Variants in CNTN1 observed in about 807,000 individuals in gnomAD.
The protein encoded by CNTN1 is contactin 1, also known as contactin-1.
In CNTN1, 38 loss-of-function variants were observed where a neutral mutation model predicts 126.4. The observed-to-expected ratio is 0.30, with a 90% CI of 0.23 to 0.39. The LOEUF (loss-of-function observed/expected upper bound fraction) is 0.39. CNTN1 is among the 10% of genes least tolerant of loss of function. The pLI, the probability that CNTN1 is intolerant of heterozygous loss-of-function variation, is 1.00. For missense variants in CNTN1, 1,009 were observed against 1,248.4 expected (o/e 0.81, Z 2.89); for synonymous variants, 413 against 422.6 (o/e 0.98, Z 0.28).
intron 1 of CNTN1, among the ~76,000 whole-genome samples, chr12:40,710,341 C>T (rs1208834161): frequency 1.3e-5 from 2 of 152,070 alleles, no homozygotes; most frequent in Non-Finnish European, 2.9e-5. Flanking sequence ...TTAAATCTTA[C>T]GTAGGTGCAG....
intron 15 of CNTN1, among the ~76,000 whole-genome samples, chr12:40,961,845 A>G (rs1341262927): frequency 6.6e-6 from 1 of 152,126 alleles, no homozygotes; most frequent in Non-Finnish European, 1.5e-5. Context: ...TGCTTTTAAA[A>G]GATTCGATTT....
chr12:40,773,039 C>A (rs978544000), intron 1 of CNTN1, among the ~76,000 whole-genome samples: 1 of 151,810 alleles, frequency 6.6e-6, no homozygotes, highest in African/African-American at 2.4e-5. Context: ...TGTAACTAAT[C>A]TTAGATAGGC....
intron 1 of CNTN1, among the ~76,000 whole-genome samples, chr12:40,801,814 C>T (rs994991592): frequency 1.1e-4 from 17 of 151,634 alleles, no homozygotes; most frequent in Non-Finnish European, 2.1e-4. Context: ...TTTTAAAAGA[C>T]ACTTTGAGGT....
intron 23 of CNTN1, among the ~76,000 whole-genome samples, chr12:41,056,714 T>A (rs1056085844): frequency 2.0e-5 from 3 of 151,686 alleles, no homozygotes; most frequent in African/African-American, 7.3e-5. Flanking sequence ...TTAAATAAAC[T>A]CAGATTACTT....
At chr12:41,067,772 A>AAG (rs1322723562) in intron 23 of CNTN1, among the ~76,000 whole-genome samples, 1 of 152,054 alleles carries the variant, frequency 6.6e-6, no homozygotes, top group Non-Finnish European at 1.5e-5. Context: ...ATAATAAAAA[A>AAG]AAAAAGGCTT....
At chr12:40,936,973 G>A (rs992667668) in intron 10 of CNTN1, 68 bp downstream of exon 10, 86 of 1,595,180 alleles carry the variant, frequency 5.4e-5, no homozygotes, top group Non-Finnish European at 6.9e-5. Flanking sequence ...GTAGTCCTGG[G>A]ATAAATTTAG....
intron 10 of CNTN1, among the ~76,000 whole-genome samples, chr12:40,937,123 CCTT>C (rs920058439): frequency 4.6e-5 from 7 of 152,052 alleles, no homozygotes; most frequent in South Asian, 2.1e-4. Flanking sequence ...CTCTCTCTCT[CCTT>C]ATTTTTTTCC....
At chr12:40,880,827 CT>C (rs200005433) in intron 1 of CNTN1, among the ~76,000 whole-genome samples, 8 of 151,222 alleles carry the variant, frequency 5.3e-5, no homozygotes, top group African/African-American at 9.7e-5. Flanking sequence ...CTCCATGACA[CT>C]TTTTTTTTCA....
At chr12:40,970,779 T>C (rs1947481288) in intron 15 of CNTN1, among the ~76,000 whole-genome samples, 2 of 152,200 alleles carry the variant, frequency 1.3e-5, no homozygotes, top group African/African-American at 4.8e-5. Flanking sequence ...ATCGATTAGA[T>C]ATCCACTTTG....
chr12:40,771,712 G>A (rs958249343), intron 1 of CNTN1, among the ~76,000 whole-genome samples: 1 of 151,858 alleles, frequency 6.6e-6, no homozygotes, highest in East Asian at 1.9e-4. Context: ...CAAGGAGAAC[G>A]GCCAGTTGTA....
chr12:40,704,657 T>C (rs1011111180), intron 1 of CNTN1, among the ~76,000 whole-genome samples: 2 of 152,206 alleles, frequency 1.3e-5, no homozygotes, highest in African/African-American at 2.4e-5. Flanking sequence ...TTCCTGTTTG[T>C]ATACAATCAT....
chr12:40,966,056 A>G (rs1478525245), intron 15 of CNTN1, among the ~76,000 whole-genome samples: 3 of 151,370 alleles, frequency 2.0e-5, no homozygotes, highest in African/African-American at 7.3e-5. Context: ...ATTGGAAGAG[A>G]TCCAGGAAAG....
intron 15 of CNTN1, among the ~76,000 whole-genome samples, chr12:40,970,409 A>ACGACCTTTTTTTTACTATTTAC (rs1947467829): frequency 6.6e-6 from 1 of 152,168 alleles, no homozygotes. Context: ...CAAATGTCTT[A>ACGACCTTTTTTTTACTATTTAC]CGACCTTTTT....
intron 5 of CNTN1, 84 bp from the exon 6 acceptor site, chr12:40,924,473 A>G: frequency 1.3e-6 from 1 of 770,942 alleles, no homozygotes; most frequent in Non-Finnish European, 2.3e-6. Context: ...CGAATGAGTT[A>G]TTTGCTGAAA....
intron 17 of CNTN1, among the ~76,000 whole-genome samples, chr12:40,999,575 A>T (rs17128997): frequency 0.065 from 9,881 of 152,058 alleles, 515 homozygotes; most frequent in Admixed American, 0.16. Flanking sequence ...CCTGTGAAAA[A>T]CTTTTTCTAA....
Position 40,944,062 on chromosome 12 carries a change from G to C in CNTN1, c.1575G>C (p.Gln525His). The stretch of plus-strand genomic sequence containing the variant: ...CAGTTGGAGAAAACGCCACCATGCA[G>C]TGTGCTGCGTCCTTTGATCCTGCCT... ...DITVGENATMQCAASFDPALD... is the reference protein window; with the variant it reads ...DITVGENATMHCAASFDPALD... The change falls in exon 14 of 24, where the codon CAG becomes CAC. Residue 525 changes from glutamine (Q) to histidine (H), a missense_variant. By Grantham distance (24) the Gln-to-His change is conservative. Transcript: ENST00000551295. The C allele has an allele frequency of 6.2e-7, 1 of 1,613,546 alleles. No homozygotes were observed. The highest frequency in any genetic ancestry group is 1.1e-5 in the South Asian group (1 of 91,074).
At chr12:40,999,106 T>C (rs1277129955) in intron 17 of CNTN1, among the ~76,000 whole-genome samples, 1 of 152,174 alleles carries the variant, frequency 6.6e-6, no homozygotes, top group Admixed American at 6.5e-5. Flanking sequence ...CAGCATTAAT[T>C]TCTTTTCATG....
intron 16 of CNTN1, among the ~76,000 whole-genome samples, chr12:40,983,765 AT>A (rs1947880059): frequency 6.8e-6 from 1 of 147,714 alleles, no homozygotes; most frequent in African/African-American, 2.5e-5. Context: ...ATTACTATAT[AT>A]TAATAGCATA....
chr12:40,725,982 A>T (rs1303519620), intron 1 of CNTN1, among the ~76,000 whole-genome samples: 1 of 152,152 alleles, frequency 6.6e-6, no homozygotes, highest in African/African-American at 2.4e-5. Flanking sequence ...TCATGAGTTC[A>T]AGGAAGTCTT....
Sources: allele counts gnomAD v4.1 joint callset (sites outside exome capture counted in the v4.1 genomes callset), GRCh38; gene constraint gnomAD v4.1.1; transcripts MANE v1.5; gene names NCBI Gene and HGNC (gene_info 2026-07-23, HGNC 2026-07-21).